The following DAAM2 variants were observed in gnomAD, a reference collection of about 807,000 sequenced individuals.
The protein encoded by DAAM2 is disheveled-associated activator of morphogenesis 2.
In DAAM2, 39 loss-of-function variants were observed where a neutral mutation model predicts 120.7. The observed-to-expected ratio is 0.32, with a 90% CI of 0.25 to 0.42. DAAM2 has a LOEUF of 0.42. DAAM2 is among the 10% of genes least tolerant of loss of function. The pLI is 1.00. For synonymous variants in DAAM2, 488 were observed against 524.9 expected, an observed-to-expected ratio of 0.93 and a Z score of 0.96; for missense variants, 1,283 against 1,401.7, an observed-to-expected ratio of 0.92 and a Z score of 1.35.
rs748162304 is a variant in DAAM2 at position 39,901,798 on chromosome 6, G to GC, written c.2983-9dup. 11 of 1,512,586 alleles carry GC rather than the reference G, an allele frequency of 7.3e-6. No homozygotes were observed. The highest frequency in any genetic ancestry group is 4.3e-4 in the Middle Eastern group (2 of 4,698). The allele number at this position is 1,512,586 out of a possible 1,614,324, so 93.7% of individuals were successfully genotyped here. On this transcript the variant is annotated splice_polypyrimidine_tract_variant and intron_variant, in intron 24 of 24. Transcript: ENST00000274867. This position sits in a 1 kb window ranked among gnomAD's most constrained non-coding sequence, Gnocchi z 4.5. The stretch of plus-strand genomic sequence containing the variant: ...CTCCCTGAGAGGGTTCCTATCTTTG[G>GC]CCCCCCGCCCGCAGCTGAAGGAGCA...
intron 19 of DAAM2, among the ~76,000 whole-genome samples, chr6:39,896,465 A>C (rs1370933337): frequency 1.3e-5 from 2 of 152,170 alleles, no homozygotes; most frequent in African/African-American, 4.8e-5. Context: ...GGCCTCCCAA[A>C]GTGCTGGGAT....
intron 5 of DAAM2, among the ~76,000 whole-genome samples, chr6:39,865,923 C>G (rs1028632999): frequency 6.6e-6 from 1 of 152,214 alleles, no homozygotes; most frequent in Non-Finnish European, 1.5e-5. Flanking sequence ...AAATATGCAT[C>G]TCTTCCCAAC....
At position 39,868,605 on chromosome 6, in the gene DAAM2, G is replaced by A. The variant is rs542942974; in HGVS notation, c.763-218G>A. The A allele has an allele frequency of 9.5e-4, 530 of 559,396 alleles. 3 individuals carry two copies. Among genetic ancestry groups the A allele is most frequent in the African/African-American group, 6.2e-3 (333 of 53,300 alleles). The allele number at this position is 559,396 out of a possible 1,614,324, so 34.7% of individuals were successfully genotyped here. A position where few individuals can be genotyped will look rare whatever the true frequency, so the allele number is the denominator to read the frequency against. On this transcript the variant is annotated intron_variant, in intron 6 of 24. Transcript: ENST00000274867. The stretch of plus-strand genomic sequence containing the variant: ...CCAAGCCCCAAAGGCTGAGTGGAGA[G>A]GAAGTGAGGCAGCACTGCCACTGAG...
intron 1 of DAAM2, among the ~76,000 whole-genome samples, chr6:39,836,616 C>T (rs189273317): frequency 9.0e-4 from 137 of 152,302 alleles, no homozygotes; most frequent in African/African-American, 3.0e-3. Flanking sequence ...AGAGCCTTCT[C>T]TCTAAATCAG....
rs1765719399 is a variant in DAAM2 at position 39,891,544 on chromosome 6, G to T, written c.2253-90G>T. On this transcript the variant is annotated intron_variant, in intron 18 of 24. Coordinates refer to ENST00000274867, the MANE Select transcript of DAAM2 (RefSeq NM_001201427.2). ...AGAGGAAGGGGATGGAGGTGGGCAG[G>T]CTTGAGAGGAGACTGGAGCTGGCTC... is the stretch of plus-strand genomic sequence containing the variant. 4.6e-6 allele frequency: 7 copies of T among 1,512,826 alleles called. No homozygotes were observed. In the East Asian group the frequency reaches 1.2e-4, roughly 26 times the overall value. The allele number at this position is 1,512,826 out of a possible 1,614,324, so 93.7% of individuals were successfully genotyped here. A position where few individuals can be genotyped will look rare whatever the true frequency, so the allele number is the denominator to read the frequency against.
At chr6:39,841,384 A>G (rs916746899) in intron 1 of DAAM2, among the ~76,000 whole-genome samples, 1 of 7,392 alleles carries the variant, frequency 1.4e-4, no homozygotes, top group Non-Finnish European at 2.6e-4. Context: ...GGAGGGTTCC[A>G]GGGGGGAGGG....
chr6:39,889,558 A>C (rs1042515395), intron 17 of DAAM2, among the ~76,000 whole-genome samples: 1 of 152,232 alleles, frequency 6.6e-6, no homozygotes, highest in Non-Finnish European at 1.5e-5. Context: ...GTATAACTCC[A>C]GGGAAATGAG....
Position 39,873,235 on chromosome 6 carries a change from C to T in DAAM2, c.1045-3C>T, listed in dbSNP as rs777554107. On this transcript the variant is annotated splice_polypyrimidine_tract_variant and splice_region_variant and intron_variant, in intron 9 of 24. Transcript: ENST00000274867. The stretch of plus-strand genomic sequence containing the variant: ...CTGATCACTGTGCCCTCTTCTCTCC[C>T]AGGTCCACATCGACACCAAGAGTGC... 6 of 1,602,380 alleles carry T rather than the reference C, an allele frequency of 3.7e-6. No homozygotes were observed. The South Asian group carries it at 6.7e-5, about 18-fold the overall frequency.
intron 1 of DAAM2, among the ~76,000 whole-genome samples, chr6:39,828,081 T>A (rs566063883): frequency 5.3e-4 from 81 of 152,346 alleles, no homozygotes; most frequent in African/African-American, 1.8e-3. Context: ...CTGAGCACAA[T>A]GTTTGAAAAC....
intron 19 of DAAM2, among the ~76,000 whole-genome samples, chr6:39,895,175 C>A (rs1333338247): frequency 6.6e-6 from 1 of 151,972 alleles, no homozygotes; most frequent in Non-Finnish European, 1.5e-5. Context: ...TGTACATGTT[C>A]AACTTAAAAG....
rs3004070 is a variant in DAAM2 at position 39,902,176 on chromosome 6, T to A, written c.*139T>A. On this transcript the variant is annotated 3_prime_UTR_variant, in exon 25 of 25. Coordinates refer to ENST00000274867, the MANE Select transcript of DAAM2 (RefSeq NM_001201427.2). ...GGGTCCTGGGATGGGGGGCTGTGTG[T>A]GGCTGGACCAGGTGTCTCCCCACGC... The A allele has an allele frequency of 0.51, 334,430 of 650,104 alleles. 87,402 individuals carry two copies. The highest frequency in any genetic ancestry group is 0.59 in the Middle Eastern group (1,394 of 2,356). The allele number at this position is 650,104 out of a possible 1,614,324, so 40.3% of individuals were successfully genotyped here. A position where few individuals can be genotyped will look rare whatever the true frequency, so the allele number is the denominator to read the frequency against.
chr6:39,836,648 C>A (rs1334306278), intron 1 of DAAM2, among the ~76,000 whole-genome samples: 1 of 152,170 alleles, frequency 6.6e-6, no homozygotes, highest in Non-Finnish European at 1.5e-5. Flanking sequence ...TGGGGCCCAG[C>A]AATCTGCATT....
At position 39,828,563 on chromosome 6, in the gene DAAM2, C is replaced by A. The variant is rs1045386549; in HGVS notation, c.-56-27684C>A. On this transcript the variant is annotated intron_variant, in intron 1 of 24. Coordinates refer to ENST00000274867, the MANE Select transcript of DAAM2 (RefSeq NM_001201427.2). ...GGCCTAAGCTAATTCCCTCCACCCC[C>A]CTCCGTCTTTTTTTTTTTGAGACGG... Among the ~76,000 whole-genome samples, 6 of 118,016 alleles carry A rather than the reference C, an allele frequency of 5.1e-5. No individual in the cohort carries two copies. The East Asian group carries it at 8.4e-4, about 16-fold the overall frequency. 77.4% of individuals were successfully genotyped at this position (118,016 alleles called of 152,430 possible).
At chr6:39,875,508 T>G (rs1764835003) in intron 11 of DAAM2, 40 bp downstream of exon 11, 1 of 1,593,868 alleles carries the variant, frequency 6.3e-7, no homozygotes, top group Non-Finnish European at 8.6e-7. Flanking sequence ...TCCTCCACCT[T>G]CCTCATCACT....
chr6:39,879,974 CT>C, intron 14 of DAAM2: 1 of 220,710 alleles, frequency 4.5e-6, no homozygotes, highest in Admixed American at 5.3e-5. Flanking sequence ...GTGAGAGATC[CT>C]CATGAGTATT....
In DAAM2 at chr6:39,867,782, A is replaced by G. The variant is rs1764491922; in HGVS notation, c.701A>G (p.Lys234Arg). 2.5e-6 allele frequency: 4 copies of G among 1,613,334 alleles called. No homozygotes were observed. Among genetic ancestry groups the G allele is most frequent in the East Asian group, 2.2e-5 (1 of 44,858 alleles). The change falls in exon 6 of 25, where the codon AAG (lysine) becomes AGG (arginine). Residue 234 changes from lysine (K) to arginine (R), a missense_variant. Transcript: ENST00000274867. ...GTGTGCCTCGTGCCTGGTGGCCACA[A>G]GAAGGTGCTGCAGGCCATGCTGCAC... ...GAVCLVPGGH[K>R]KVLQAMLHYQ...
intron 19 of DAAM2, among the ~76,000 whole-genome samples, chr6:39,893,591 A>AGT (rs1765881630): frequency 6.6e-6 from 1 of 152,098 alleles, no homozygotes; most frequent in Non-Finnish European, 1.5e-5. Context: ...AGCTAAGCCG[A>AGT]GTAAGATGTG....
At position 39,904,183 on chromosome 6, in the gene DAAM2, T is replaced by C. The variant is rs1053505718; in HGVS notation, c.*2146T>C. On this transcript the variant is annotated 3_prime_UTR_variant, in exon 25 of 25. Coordinates refer to ENST00000274867, the MANE Select transcript of DAAM2 (RefSeq NM_001201427.2). ...CTATGGAAGCTGTTCAAGATACATT[T>C]GATCTTCAGAAAAGCAGAATTTGGT... 22 of 456,588 alleles carry C rather than the reference T, an allele frequency of 4.8e-5. No individual in the cohort carries two copies. Among genetic ancestry groups the C allele is most frequent in the South Asian group, 2.8e-4 (18 of 64,554 alleles). 28.3% of individuals were successfully genotyped at this position (456,588 alleles called of 1,614,324 possible). A position where few individuals can be genotyped will look rare whatever the true frequency, so the allele number is the denominator to read the frequency against.
At chr6:39,875,139 G>A (rs761695697) in intron 10 of DAAM2, among the ~76,000 whole-genome samples, 191 bp from the exon 11 acceptor site, 3 of 152,110 alleles carry the variant, frequency 2.0e-5, no homozygotes, top group Non-Finnish European at 4.4e-5. Flanking sequence ...TCTAGTTGCC[G>A]ATAATCAAGA....
Sources: allele counts gnomAD v4.1 joint callset (sites outside exome capture counted in the v4.1 genomes callset), GRCh38; gene constraint gnomAD v4.1.1; non-coding constraint Gnocchi (gnomAD v3.1); transcripts MANE v1.5; gene names NCBI Gene and HGNC (gene_info 2026-07-23, HGNC 2026-07-21).